The following HS6ST3 variants were observed in gnomAD, a reference collection of about 807,000 sequenced individuals.
HS6ST3 encodes heparan sulfate 6-O-sulfotransferase 3.
A neutral mutation model predicts 36.7 loss-of-function variants in HS6ST3; 12 were observed. That is an observed-to-expected ratio of 0.33 (90% confidence interval 0.21 to 0.53). The LOEUF (loss-of-function observed/expected upper bound fraction) is 0.53, where lower values mean the gene tolerates loss of function less well. Among genes scored for constraint, HS6ST3 ranks in the 20% least tolerant of loss-of-function variants. The pLI is 0.95. For synonymous variants in HS6ST3, 240 were observed against 257.5 expected (o/e 0.93, Z 0.65); for missense variants, 584 against 640.9 (o/e 0.91, Z 0.96).
At chr13:96,616,545 C>T (rs1262359897) in intron 1 of HS6ST3, among the ~76,000 whole-genome samples, 3 of 152,110 alleles carry the variant, frequency 2.0e-5, no homozygotes, top group Admixed American at 6.6e-5. Context: ...GAGTAGAAAA[C>T]ATTCTAACCA....
intron 1 of HS6ST3, among the ~76,000 whole-genome samples, chr13:96,546,422 G>C (rs1477269483): frequency 6.6e-6 from 1 of 152,122 alleles, no homozygotes; most frequent in Non-Finnish European, 1.5e-5. Context: ...GGGATTGACG[G>C]TCTGGAGGGG....
At chr13:96,821,258 G>T (rs1171764293) in intron 1 of HS6ST3, among the ~76,000 whole-genome samples, 1 of 152,166 alleles carries the variant, frequency 6.6e-6, no homozygotes, top group East Asian at 1.9e-4. Flanking sequence ...CCCTGGCCTT[G>T]CAAGATGCTG....
chr13:96,440,485 G>C (rs929789422), intron 1 of HS6ST3, among the ~76,000 whole-genome samples: 3 of 90,744 alleles, frequency 3.3e-5, no homozygotes, highest in African/African-American at 5.3e-5. Flanking sequence ...GGGAGGGGAG[G>C]GGAGAGGAGA....
chr13:96,482,841 G>T (rs572748427), intron 1 of HS6ST3, among the ~76,000 whole-genome samples: 4 of 152,168 alleles, frequency 2.6e-5, no homozygotes, highest in Non-Finnish European at 2.9e-5. Flanking sequence ...AGTTTTAAAG[G>T]TATGCCCATG....
intron 1 of HS6ST3, among the ~76,000 whole-genome samples, chr13:96,214,208 G>A (rs892667254): frequency 2.6e-5 from 4 of 152,234 alleles, no homozygotes; most frequent in Admixed American, 1.3e-4. Context: ...GATATGATAA[G>A]GCTTTGTGTC....
At chr13:96,469,218 C>T (rs1158447696) in intron 1 of HS6ST3, among the ~76,000 whole-genome samples, 2 of 151,952 alleles carry the variant, frequency 1.3e-5, no homozygotes, top group Admixed American at 6.6e-5. Flanking sequence ...ATGGTCTTGC[C>T]GGTGCACCTT....
At chr13:96,420,064 G>A (rs1305590568) in intron 1 of HS6ST3, among the ~76,000 whole-genome samples, 2 of 152,180 alleles carry the variant, frequency 1.3e-5, no homozygotes, top group African/African-American at 4.8e-5. Flanking sequence ...CAACCTCATA[G>A]TTATAGCTTA....
At chr13:96,198,060 C>T (rs1346424179) in intron 1 of HS6ST3, among the ~76,000 whole-genome samples, 1 of 152,204 alleles carries the variant, frequency 6.6e-6, no homozygotes, top group African/African-American at 2.4e-5. Flanking sequence ...GTTCCCAAAC[C>T]TCAATTCTTG....
chr13:96,216,924 G>T (rs911820641), intron 1 of HS6ST3, among the ~76,000 whole-genome samples: 25 of 152,170 alleles, frequency 1.6e-4, no homozygotes, highest in African/African-American at 6.0e-4. Flanking sequence ...CTTTTCTGTC[G>T]CTGCATGCCT....
At chr13:96,652,936 C>T (rs1181650892) in intron 1 of HS6ST3, among the ~76,000 whole-genome samples, 1 of 152,026 alleles carries the variant, frequency 6.6e-6, no homozygotes, top group Non-Finnish European at 1.5e-5. Flanking sequence ...AAATTCAAAT[C>T]ACACTATAAT....
intron 1 of HS6ST3, among the ~76,000 whole-genome samples, chr13:96,547,985 T>G (rs2056204004): frequency 6.6e-6 from 1 of 152,052 alleles, no homozygotes; most frequent in South Asian, 2.1e-4. Context: ...TTAGGAGAAA[T>G]GCAGAAAAGT....
intron 1 of HS6ST3, among the ~76,000 whole-genome samples, chr13:96,587,129 C>G (rs61967735): frequency 2.0e-5 from 3 of 152,076 alleles, no homozygotes; most frequent in Non-Finnish European, 4.4e-5. Flanking sequence ...CCTGGGTTCT[C>G]TCTTCTGTTC....
At chr13:96,568,296 T>A (rs1343763977) in intron 1 of HS6ST3, among the ~76,000 whole-genome samples, 1 of 152,192 alleles carries the variant, frequency 6.6e-6, no homozygotes, top group Non-Finnish European at 1.5e-5. Context: ...AGACAGAGTC[T>A]TGCTCTGTCA....
rs1026366277 is a variant in HS6ST3 at position 96,353,046 on chromosome 13, CTTTTTTTTTTTTTT to C, written c.707+261490_707+261503del. 1.9e-3 allele frequency among the ~76,000 whole-genome samples: 166 copies of C among 85,426 alleles called. No individual in the cohort carries two copies. The Middle Eastern group carries it at 0.022, about 11-fold the overall frequency. The allele number at this position is 85,426 out of a possible 152,430, so 56.0% of individuals were successfully genotyped here. A position where few individuals can be genotyped will look rare whatever the true frequency, so the allele number is the denominator to read the frequency against. ...GAGTGTTTACTAGAGCTAGCGTATT[CTTTTTTTTTTTTTT>C]TTTTTTTTTTTTGAGACGGAGTCTT... On this transcript the variant is annotated intron_variant, in intron 1 of 1. Transcript: ENST00000376705.
chr13:96,576,013 A>G (rs1197786454), intron 1 of HS6ST3, among the ~76,000 whole-genome samples: 1 of 152,180 alleles, frequency 6.6e-6, no homozygotes, highest in Non-Finnish European at 1.5e-5. Flanking sequence ...TGATGTGGTG[A>G]TGGTGTGGCT....
At chr13:96,311,819 G>T (rs1056577426) in intron 1 of HS6ST3, among the ~76,000 whole-genome samples, 4 of 152,300 alleles carry the variant, frequency 2.6e-5, no homozygotes, top group East Asian at 3.9e-4. Context: ...TAGCCACCAA[G>T]TAGAACTTGG....
At chr13:96,305,879 A>G (rs1041677243) in intron 1 of HS6ST3, among the ~76,000 whole-genome samples, 1 of 130,730 alleles carries the variant, frequency 7.6e-6, no homozygotes, top group Non-Finnish European at 1.6e-5. Context: ...GACGGAGTTC[A>G]TGGTTCATTT....
At chr13:96,828,620 G>T (rs542824750) in intron 1 of HS6ST3, among the ~76,000 whole-genome samples, 1 of 152,008 alleles carries the variant, frequency 6.6e-6, no homozygotes, top group East Asian at 1.9e-4. Context: ...TTTATTCAAC[G>T]TTAAGTTAAA....
At chr13:96,271,057 G>C (rs979895516) in intron 1 of HS6ST3, among the ~76,000 whole-genome samples, 1 of 151,888 alleles carries the variant, frequency 6.6e-6, no homozygotes, top group Admixed American at 6.6e-5. Flanking sequence ...ACAGTTTCCA[G>C]TGACAGTTTG....
Sources: gnomAD v4.1 joint callset for allele counts (sites outside exome capture counted in the v4.1 genomes callset) on GRCh38, gnomAD v4.1.1 for gene constraint, MANE v1.5 for transcripts, NCBI Gene and HGNC (gene_info 2026-07-23, HGNC 2026-07-21) for gene names.